Variants in ZNF330 observed in about 807,000 individuals in gnomAD.
ZNF330 encodes nucleolar atypical zinc finger, also known as zinc finger protein 330.
Under a neutral mutation model 45.5 loss-of-function variants are expected in ZNF330, and 31 were observed. The observed-to-expected ratio is 0.68, with a 90% CI of 0.51 to 0.92. ZNF330 has a LOEUF of 0.92. ZNF330 is among the 40% of genes least tolerant of loss of function. ZNF330 has a pLI of 0.00. For missense variants in ZNF330, 356 were observed against 387.4 expected, an observed-to-expected ratio of 0.92 and a Z score of 0.68; for synonymous variants, 138 against 123.2, an observed-to-expected ratio of 1.12 and a Z score of -0.79.
Position 141,234,136 on chromosome 4 carries a change from G to A in ZNF330, c.*147G>A. ...TTAATGGGCCAAGCAATAGGGTGTA[G>A]CGTTTTTATAGAACTGATAATCAGG... On this transcript the variant is annotated 3_prime_UTR_variant, in exon 10 of 10. Transcript: ENST00000262990. The A allele has an allele frequency of 7.3e-7, 1 of 1,377,896 alleles. No individual in the cohort carries two copies. The highest frequency in any genetic ancestry group is 9.4e-7 in the Non-Finnish European group (1 of 1,062,812). The allele number at this position is 1,377,896 out of a possible 1,614,324, so 85.4% of individuals were successfully genotyped here.
Position 141,230,227 on chromosome 4 carries a change from G to A in ZNF330, c.480G>A (p.Glu160=). The change falls in exon 7 of 10, where the codon GAG becomes GAA. Residue 160 remains glutamate, a synonymous_variant. Transcript: ENST00000262990. ...HNFLCEDDQF[E]HQASCQVLEA... is the part of the protein sequence containing the mutation. ...TTCTCTGTGAAGATGATCAATTTGA[G>A]CATCAAGCCAGCTGCCAGGTTTTAG... The A allele has an allele frequency of 6.2e-7, 1 of 1,611,430 alleles. No individual in the cohort carries two copies. Among genetic ancestry groups the A allele is most frequent in the Non-Finnish European group, 8.5e-7 (1 of 1,178,514 alleles).
intron 6 of ZNF330, among the ~76,000 whole-genome samples, chr4:141,229,906 G>A (rs949871801): frequency 6.6e-6 from 1 of 152,052 alleles, no homozygotes; most frequent in African/African-American, 2.4e-5. Flanking sequence ...GGGAAGTTGT[G>A]GTGGAGCAGG....
intron 1 of ZNF330, 64 bp from the exon 2 acceptor site, chr4:141,222,302 G>C: frequency 2.6e-6 from 4 of 1,551,332 alleles, no homozygotes; most frequent in Non-Finnish European, 3.5e-6. Context: ...CTATTTCTTA[G>C]TTTATTAAAA....
intron 4 of ZNF330, among the ~76,000 whole-genome samples, chr4:141,225,029 C>T (rs964638876): frequency 2.0e-5 from 3 of 152,064 alleles, no homozygotes; most frequent in Admixed American, 6.5e-5. Flanking sequence ...TACTTATCTA[C>T]ATTTTGATTC....
At chr4:141,232,764 T>C in intron 9 of ZNF330, 122 bp downstream of exon 9, 1 of 486,858 alleles carries the variant, frequency 2.1e-6, no homozygotes. Flanking sequence ...GAATGTGTTC[T>C]TTTAAGCAAG....
intron 8 of ZNF330, 85 bp from the exon 9 acceptor site, chr4:141,232,440 G>A (rs139063947): frequency 1.5e-6 from 1 of 661,394 alleles, no homozygotes; most frequent in East Asian, 3.4e-5. Context: ...CCTTAATAAA[G>A]CTATATCTTT....
At position 141,233,884 on chromosome 4, in the gene ZNF330, A is replaced by G. The variant is rs780882391; in HGVS notation, c.858A>G (p.Glu286=). The change falls in exon 10 of 10, where the codon GAA becomes GAG. Residue 286 remains glutamate (E), a synonymous_variant. Transcript: ENST00000262990. The stretch of plus-strand genomic sequence containing the variant: ...AGGATGATGAAGAGGAAGAAGATGA[A>G]GGCAGAAAGGATTCAGATACTGAGT... ...EAEDDEEEED[E]GRKDSDTESS... The G allele has an allele frequency of 6.2e-7, 1 of 1,613,814 alleles. No individual in the cohort carries two copies. Among genetic ancestry groups the G allele is most frequent in the South Asian group, 1.1e-5 (1 of 91,078 alleles).
chr4:141,230,499 C>T (rs1192339962), intron 7 of ZNF330, among the ~76,000 whole-genome samples: 2 of 152,036 alleles, frequency 1.3e-5, no homozygotes, highest in African/African-American at 4.8e-5. Flanking sequence ...ATTTTGTAGG[C>T]TTGATTTGAT....
rs1287828205 is a variant in ZNF330 at position 141,226,781 on chromosome 4, AT to A, written c.227del (p.Met76ArgfsTer2). 1.2e-6 allele frequency: 2 copies of A among 1,612,858 alleles called. No homozygotes were observed. Among genetic ancestry groups the A allele is most frequent in the African/African-American group, 1.3e-5 (1 of 74,828 alleles). On this transcript the variant is annotated frameshift_variant, in exon 5 of 10. Transcript: ENST00000262990. LOFTEE classifies it high-confidence loss of function. ...TTCTTCATTAGGGAAAACAAAGTGC[AT>A]GATGAAGTCTTCAGACTGTGTCATA... ...ICAQCGKTKCMMKSSDCVIKH... is the reference protein window; with the variant it reads ...ICAQCGKTKCXMKSSDCVIKH...
At chr4:141,224,298 G>A (rs1263056191) in intron 2 of ZNF330, among the ~76,000 whole-genome samples, 189 bp from the exon 3 acceptor site, 3 of 152,100 alleles carry the variant, frequency 2.0e-5, no homozygotes, top group African/African-American at 7.2e-5. Flanking sequence ...TCATATACCC[G>A]GAGTATCACT....
At chr4:141,233,574 G>T (rs1437143171) in intron 9 of ZNF330, 141 bp from the exon 10 acceptor site, 4 of 1,358,118 alleles carry the variant, frequency 2.9e-6, no homozygotes, top group Non-Finnish European at 3.9e-6. Context: ...ATAGACTCAG[G>T]TGAAAAAATT....
At chr4:141,226,613 CTCTT>C (rs1728810213) in intron 4 of ZNF330, among the ~76,000 whole-genome samples, 150 bp from the exon 5 acceptor site, 1 of 152,086 alleles carries the variant, frequency 6.6e-6, no homozygotes, top group Non-Finnish European at 1.5e-5. Context: ...TATCCATTTT[CTCTT>C]TCTAGTTATG....
intron 4 of ZNF330, among the ~76,000 whole-genome samples, chr4:141,226,083 T>C (rs553435110): frequency 2.0e-5 from 3 of 152,240 alleles, no homozygotes; most frequent in East Asian, 3.9e-4. Flanking sequence ...ACATAATATC[T>C]GATAAGCAAA....
At position 141,226,768 on chromosome 4, in the gene ZNF330, G is replaced by T. The variant is rs754956921; in HGVS notation, c.213G>T (p.Gly71=). The T allele has an allele frequency of 6.2e-7, 1 of 1,612,418 alleles. No individual in the cohort carries two copies. Among genetic ancestry groups the T allele is most frequent in the Middle Eastern group, 1.7e-4 (1 of 6,048 alleles). The part of the protein sequence containing the change: ...VQKLPICAQC[G]KTKCMMKSSD... ...AGTGCAAATGTTTTTCTTCATTAGG[G>T]AAAACAAAGTGCATGATGAAGTCTT... The change falls in exon 5 of 10, where the codon GGG becomes GGT. Residue 71 remains glycine, a splice_region_variant and synonymous_variant. Coordinates refer to ENST00000262990, the MANE Select transcript of ZNF330 (RefSeq NM_014487.6).
chr4:141,221,340 G>A (rs1695902223), intron 1 of ZNF330, among the ~76,000 whole-genome samples: 1 of 152,206 alleles, frequency 6.6e-6, no homozygotes, highest in South Asian at 2.1e-4. Context: ...CCCGTATAAG[G>A]CTGAGAAGAA....
At chr4:141,222,590 G>C in intron 2 of ZNF330, 99 bp downstream of exon 2, 1 of 1,342,364 alleles carries the variant, frequency 7.4e-7, no homozygotes, top group South Asian at 1.5e-5. Flanking sequence ...CAGTGTTTTT[G>C]CATATAGTTT....
chr4:141,224,159 G>A (rs115556452), intron 2 of ZNF330: 6 of 385,996 alleles, frequency 1.6e-5, no homozygotes, highest in African/African-American at 1.2e-4. Context: ...ATAAGGCTTA[G>A]AATGTACTTA....
intron 9 of ZNF330, 41 bp downstream of exon 9, chr4:141,232,683 A>G (rs199720811): frequency 6.2e-6 from 7 of 1,132,768 alleles, no homozygotes; most frequent in Non-Finnish European, 8.5e-6. Context: ...TTTTGCTTTC[A>G]TACTTAGACA....
chr4:141,224,137 G>A (rs1406648180), intron 2 of ZNF330: 1 of 330,686 alleles, frequency 3.0e-6, no homozygotes, highest in East Asian at 6.8e-5. Flanking sequence ...AATAATATGT[G>A]CTTAACGTTT....
Sources: gnomAD v4.1 joint callset for allele counts (sites outside exome capture counted in the v4.1 genomes callset) on GRCh38, gnomAD v4.1.1 for gene constraint, MANE v1.5 for transcripts, NCBI Gene and HGNC (gene_info 2026-07-23, HGNC 2026-07-21) for gene names.